IL1RAPL1: variants seen among roughly 807,000 people sequenced by gnomAD.
IL1RAPL1 encodes interleukin-1 receptor accessory protein-like 1.
In IL1RAPL1, 3 loss-of-function variants were observed where a neutral mutation model predicts 48.4. The ratio of observed to expected loss-of-function variants is 0.06; its 90% CI spans 0.03 to 0.16. The LOEUF is 0.16. IL1RAPL1 is among the 10% of genes least tolerant of loss of function. IL1RAPL1 has a pLI of 1.00. For missense variants in IL1RAPL1, 349 were observed against 530.6 expected (o/e 0.66, Z 3.36); for synonymous variants, 185 against 187.7 (o/e 0.99, Z 0.12).
At chrX:28,772,516 A>C (rs150731278) in intron 1 of IL1RAPL1, among the ~76,000 whole-genome samples, 1 of 111,651 alleles carries the variant, frequency 9.0e-6, no homozygotes, top group Non-Finnish European at 1.9e-5. Flanking sequence ...TTCCGCCAGG[A>C]AATGTGAGGG....
intron 2 of IL1RAPL1, among the ~76,000 whole-genome samples, chrX:29,079,582 C>T (rs1927755965): frequency 9.2e-6 from 1 of 109,261 alleles, no homozygotes; most frequent in Non-Finnish European, 1.9e-5. Context: ...AATGTCTCCA[C>T]TAGACAGCCA....
intron 2 of IL1RAPL1, among the ~76,000 whole-genome samples, chrX:29,232,664 G>A (rs186698889): frequency 2.7e-5 from 3 of 112,098 alleles, no homozygotes; most frequent in Non-Finnish European, 5.6e-5. Flanking sequence ...ACACATTTGA[G>A]CAACAGTGTT....
chrX:29,251,016 T>C (rs1200689643), intron 2 of IL1RAPL1, among the ~76,000 whole-genome samples: 1 of 112,732 alleles, frequency 8.9e-6, no homozygotes, highest in Non-Finnish European at 1.9e-5. Flanking sequence ...TCTGGAATGA[T>C]TCAAAGTTCA....
At chrX:28,687,990 G>T (rs1174354300) in intron 1 of IL1RAPL1, among the ~76,000 whole-genome samples, 1 of 105,672 alleles carries the variant, frequency 9.5e-6, no homozygotes, top group Non-Finnish European at 1.9e-5. Flanking sequence ...AGTAATCCTA[G>T]CTACTCAGGA....
chrX:29,803,476 CAT>C (rs1930157242), intron 6 of IL1RAPL1, among the ~76,000 whole-genome samples: 1 of 91,370 alleles, frequency 1.1e-5, no homozygotes, highest in African/African-American at 4.0e-5. Context: ...TATATGTATA[CAT>C]ATATGTATAC....
At chrX:28,641,675 A>G (rs992087772) in intron 1 of IL1RAPL1, among the ~76,000 whole-genome samples, 2 of 111,067 alleles carry the variant, frequency 1.8e-5, no homozygotes, top group African/African-American at 6.6e-5. Context: ...ACTAATTTAC[A>G]CTCCCACCAA....
intron 2 of IL1RAPL1, among the ~76,000 whole-genome samples, chrX:28,887,630 C>A (rs1437252685): frequency 2.7e-5 from 3 of 111,303 alleles, no homozygotes; most frequent in Non-Finnish European, 5.7e-5. Context: ...ATATAGCTGT[C>A]TATCCCCAAG....
At chrX:29,280,846 G>GCT in intron 2 of IL1RAPL1, among the ~76,000 whole-genome samples, 1 of 111,942 alleles carries the variant, frequency 8.9e-6, no homozygotes, top group Non-Finnish European at 1.9e-5. Flanking sequence ...GCCTCTCTGA[G>GCT]GAGGTGATAT....
At chrX:28,745,539 G>A (rs1935964550) in intron 1 of IL1RAPL1, among the ~76,000 whole-genome samples, 1 of 111,370 alleles carries the variant, frequency 9.0e-6, no homozygotes, top group African/African-American at 3.3e-5. Context: ...ATATGTAGAT[G>A]TCAAATAGGT....
chrX:29,401,122 C>T (rs1019529728), intron 5 of IL1RAPL1, among the ~76,000 whole-genome samples: 1 of 111,840 alleles, frequency 8.9e-6, no homozygotes, highest in Non-Finnish European at 1.9e-5. Context: ...GGCAACCGTA[C>T]TTTCCTAAAC....
chrX:28,873,565 T>C (rs1288703893), intron 2 of IL1RAPL1, among the ~76,000 whole-genome samples: 2 of 87,187 alleles, frequency 2.3e-5, no homozygotes, highest in East Asian at 7.8e-4. Flanking sequence ...GGAGTCTCGC[T>C]CTGTCGCCCA....
chrX:29,572,066 A>G (rs1922612521), intron 5 of IL1RAPL1, among the ~76,000 whole-genome samples: 1 of 112,000 alleles, frequency 8.9e-6, no homozygotes, highest in Non-Finnish European at 1.9e-5. Context: ...TACAAGGTTA[A>G]GACTTTTATC....
At chrX:28,815,858 T>TAC (rs1329613510) in intron 2 of IL1RAPL1, among the ~76,000 whole-genome samples, 16 of 69,306 alleles carry the variant, frequency 2.3e-4, no homozygotes, top group African/African-American at 7.5e-4. Context: ...TATATATATA[T>TAC]ATATATATAT....
At chrX:29,390,206 C>A (rs1374784911) in intron 3 of IL1RAPL1, among the ~76,000 whole-genome samples, 2 of 111,744 alleles carry the variant, frequency 1.8e-5, no homozygotes, top group East Asian at 5.6e-4. Flanking sequence ...ACACGATGGT[C>A]AAATTTCTGG....
chrX:29,700,379 CA>C (rs1301846334), intron 6 of IL1RAPL1, among the ~76,000 whole-genome samples: 1 of 111,285 alleles, frequency 9.0e-6, no homozygotes, highest in East Asian at 2.8e-4. Context: ...ATTTTCAGAC[CA>C]AAAGTTTCTC....
intron 2 of IL1RAPL1, among the ~76,000 whole-genome samples, chrX:28,844,030 C>T (rs1921443784): frequency 9.1e-6 from 1 of 109,572 alleles, no homozygotes; most frequent in Admixed American, 9.8e-5. Flanking sequence ...GCTCTTTGAG[C>T]TCATCTCCTA....
chrX:28,929,742 A>G (rs766953401), intron 2 of IL1RAPL1, among the ~76,000 whole-genome samples: 6 of 112,388 alleles, frequency 5.3e-5, no homozygotes, highest in African/African-American at 1.9e-4. Context: ...GTCAAAATGC[A>G]TGTTAAATCA....
chrX:29,329,790 G>T (rs1932869545), intron 3 of IL1RAPL1, among the ~76,000 whole-genome samples: 1 of 105,528 alleles, frequency 9.5e-6, no homozygotes, highest in Admixed American at 1.0e-4. Context: ...TCCAGCCTGG[G>T]CAACAAGTAT....
At chrX:29,335,267 C>G (rs769442464) in intron 3 of IL1RAPL1, among the ~76,000 whole-genome samples, 790 of 20,297 alleles carry the variant, frequency 0.039, 1 homozygote, top group Non-Finnish European at 0.045. Context: ...GAGACGGAGA[C>G]GGAGACGGAG....
Sources: allele counts gnomAD v4.1 joint callset (sites outside exome capture counted in the v4.1 genomes callset), GRCh38; gene constraint gnomAD v4.1.1; transcripts MANE v1.5; gene names NCBI Gene and HGNC (gene_info 2026-07-23, HGNC 2026-07-21).